E2F5: variants seen among roughly 807,000 people sequenced by gnomAD.
E2F5 encodes the protein E2F transcription factor 5.
In E2F5, 23 loss-of-function variants were observed where a neutral mutation model predicts 39.1. The ratio of observed to expected loss-of-function variants is 0.59; its 90% CI spans 0.42 to 0.83. E2F5 has a LOEUF of 0.83. Ranked by LOEUF, E2F5 falls within the 40% of genes least tolerant of loss-of-function variation. E2F5 has a pLI of 0.00. For synonymous variants in E2F5, 145 were observed against 157.8 expected (o/e 0.92, Z 0.61); for missense variants, 365 against 406.7 (o/e 0.90, Z 0.88).
In E2F5 at chr8:85,177,273, A is replaced by G. The variant is rs1587475999; in HGVS notation, c.-148A>G. 2.4e-5 allele frequency: 15 copies of G among 628,558 alleles called. No individual in the cohort carries two copies. The highest frequency in any genetic ancestry group is 3.0e-5 in the Non-Finnish European group (15 of 504,372). 38.9% of individuals were successfully genotyped at this position (628,558 alleles called of 1,614,324 possible). A position where few individuals can be genotyped will look rare whatever the true frequency, so the allele number is the denominator to read the frequency against. ...GCCCAGACTCCCGTGGGCGCCGCAC[A>G]CCTGTTGTTTGCAGCAGCCAGCGAC... On this transcript the variant is annotated 5_prime_UTR_variant, in exon 1 of 8. Coordinates refer to ENST00000416274, the MANE Select transcript of E2F5 (RefSeq NM_001951.4).
intron 7 of E2F5, chr8:85,213,544 A>T: frequency 4.6e-6 from 1 of 219,120 alleles, no homozygotes; most frequent in Admixed American, 6.0e-5. Context: ...CTCCATCTTA[A>T]AAAAAAAAAA....
intron 4 of E2F5, 50 bp from the exon 5 acceptor site, chr8:85,207,375 T>G (rs373161622): frequency 1.3e-5 from 19 of 1,477,752 alleles, no homozygotes; most frequent in Middle Eastern, 1.9e-4. Context: ...GCCACTGTAT[T>G]CCATGATCAA....
At chr8:85,179,181 C>T (rs906283031) in intron 1 of E2F5, among the ~76,000 whole-genome samples, 1 of 152,184 alleles carries the variant, frequency 6.6e-6, no homozygotes, top group African/African-American at 2.4e-5. Flanking sequence ...TTACAAAGCA[C>T]AGGTGGCAAA....
chr8:85,213,770 C>A lies in E2F5; in HGVS notation c.949C>A (p.Leu317Ile). The A allele has an allele frequency of 6.2e-7, 1 of 1,612,076 alleles. No homozygotes were observed. The highest frequency in any genetic ancestry group is 1.7e-5 in the Admixed American group (1 of 59,898). Reference protein sequence around the residue: ...MSSDVFPLLRLSPTPADDYNF... With the variant: ...MSSDVFPLLRISPTPADDYNF... The stretch of plus-strand genomic sequence containing the variant: ...GTTCGCAGTGTTTCCTCTCTTAAGG[C>A]TTTCTCCTACCCCGGCAGATGACTA... The change falls in exon 8 of 8, where the codon CTT becomes ATT. Residue 317 changes from leucine to isoleucine, a missense_variant. By Grantham distance (5) the Leu-to-Ile change is conservative. Transcript: ENST00000416274.
chr8:85,199,511 G>C (rs1812647108), intron 1 of E2F5, among the ~76,000 whole-genome samples: 1 of 150,760 alleles, frequency 6.6e-6, no homozygotes, highest in African/African-American at 2.4e-5. Flanking sequence ...GAACATTTTG[G>C]TGTTAAATGA....
intron 1 of E2F5, among the ~76,000 whole-genome samples, chr8:85,197,434 G>C (rs1812605686): frequency 6.6e-6 from 1 of 152,168 alleles, no homozygotes; most frequent in Admixed American, 6.5e-5. Flanking sequence ...GTGGCCTCAT[G>C]ATTATTAAAG....
intron 1 of E2F5, among the ~76,000 whole-genome samples, chr8:85,188,736 G>A (rs1047314477): frequency 4.6e-5 from 7 of 152,150 alleles, no homozygotes; most frequent in Non-Finnish European, 8.8e-5. Flanking sequence ...CAGTCTATGC[G>A]CACTAGCCTG....
At chr8:85,211,257 A>T (rs2129762360) in intron 6 of E2F5, among the ~76,000 whole-genome samples, 1 of 150,464 alleles carries the variant, frequency 6.6e-6, no homozygotes, top group South Asian at 2.1e-4. Context: ...AAAATTAGCT[A>T]GGCATTGTGA....
chr8:85,191,141 C>T (rs542117560), intron 1 of E2F5, among the ~76,000 whole-genome samples: 239 of 152,080 alleles, frequency 1.6e-3, no homozygotes, highest in Non-Finnish European at 1.2e-3. Flanking sequence ...AAAAGGAAAT[C>T]CTGTCAGTTT....
chr8:85,177,945 T>A (rs1202655402), intron 1 of E2F5: 1 of 227,504 alleles, frequency 4.4e-6, no homozygotes, highest in Non-Finnish European at 7.7e-6. Flanking sequence ...GGCTTCTGTC[T>A]CCGGGCGCAG....
At chr8:85,206,339 T>A in intron 4 of E2F5, 119 bp downstream of exon 4, 1 of 955,674 alleles carries the variant, frequency 1.0e-6, no homozygotes, top group Non-Finnish European at 1.6e-6. Flanking sequence ...GCATTGTGTC[T>A]CACTCCACCA....
intron 1 of E2F5, among the ~76,000 whole-genome samples, chr8:85,181,618 C>T (rs1382450567): frequency 2.0e-4 from 28 of 142,232 alleles, no homozygotes; most frequent in Non-Finnish European, 9.2e-5. Flanking sequence ...GGATTACAGG[C>T]GTGAGCCACC....
At chr8:85,210,442 C>T (rs979205379) in intron 6 of E2F5, among the ~76,000 whole-genome samples, 2 of 152,020 alleles carry the variant, frequency 1.3e-5, no homozygotes, top group African/African-American at 4.8e-5. Flanking sequence ...CTTAGGGAAG[C>T]CAAGGCAGGC....
At chr8:85,193,734 G>A (rs4150901) in intron 1 of E2F5, among the ~76,000 whole-genome samples, 1,626 of 152,248 alleles carry the variant, frequency 0.011, 15 homozygotes, top group Non-Finnish European at 0.019. Context: ...AAGTCGTACC[G>A]TAGGTACTCT....
chr8:85,195,114 G>A (rs1354674800), intron 1 of E2F5, among the ~76,000 whole-genome samples: 1 of 151,944 alleles, frequency 6.6e-6, no homozygotes, highest in East Asian at 2.0e-4. Context: ...GCCGGGCACA[G>A]TGGCTTACGT....
intron 1 of E2F5, among the ~76,000 whole-genome samples, chr8:85,180,413 T>C (rs934590242): frequency 1.4e-4 from 21 of 151,330 alleles, no homozygotes; most frequent in African/African-American, 5.1e-4. Context: ...ACACATTTTC[T>C]CTTGTATTCT....
In E2F5 at chr8:85,209,164, A is replaced by T; in HGVS notation, c.638A>T (p.Tyr213Phe). 1 of 1,613,980 alleles carries T rather than the reference A, an allele frequency of 6.2e-7. No individual in the cohort carries two copies. The highest frequency in any genetic ancestry group is 8.5e-7 in the Non-Finnish European group (1 of 1,179,868). ...AAGGGTCAGAATGGACAAAAGAAATACCAGATCAATCTAAAGAGTCATTCA... is the reference window on the plus strand; with the variant it reads ...AAGGGTCAGAATGGACAAAAGAAATTCCAGATCAATCTAAAGAGTCATTCA... The part of the protein sequence containing the change: ...PEMGQNGQKK[Y>F]QINLKSHSGP... The change falls in exon 6 of 8, where the codon TAC becomes TTC. Residue 213 changes from tyrosine to phenylalanine, a missense_variant. Physicochemically the swap from Tyr to Phe is conservative, Grantham distance 22. Coordinates refer to ENST00000416274, the MANE Select transcript of E2F5 (RefSeq NM_001951.4).
chr8:85,193,833 G>C (rs1302624994), intron 1 of E2F5, among the ~76,000 whole-genome samples: 1 of 152,120 alleles, frequency 6.6e-6, no homozygotes, highest in East Asian at 1.9e-4. Flanking sequence ...TCCCCGAGTG[G>C]TGTTTTGTTT....
intron 1 of E2F5, chr8:85,200,195 C>A: frequency 2.0e-6 from 1 of 491,922 alleles, no homozygotes; most frequent in Non-Finnish European, 2.6e-6. Flanking sequence ...TGCAGTGAGC[C>A]AAGATCACAC....
Sources: gnomAD v4.1 joint callset for allele counts (sites outside exome capture counted in the v4.1 genomes callset) on GRCh38, gnomAD v4.1.1 for gene constraint, MANE v1.5 for transcripts, NCBI Gene and HGNC (gene_info 2026-07-23, HGNC 2026-07-21) for gene names.